Variants in GABRB1 observed in about 807,000 individuals in gnomAD.
The protein encoded by GABRB1 is gamma-aminobutyric acid type A receptor subunit beta1, also known as gamma-aminobutyric acid receptor subunit beta-1.
GABRB1 carries 17 observed loss-of-function variants against 51.6 expected under a neutral mutation model. The ratio of observed to expected loss-of-function variants is 0.33; its 90% confidence interval spans 0.23 to 0.49. The LOEUF (loss-of-function observed/expected upper bound fraction) is 0.49, where lower values mean the gene tolerates loss of function less well. GABRB1 is among the 20% of genes least tolerant of loss of function. The pLI, the probability that GABRB1 is intolerant of heterozygous loss-of-function variation, is 0.99. For synonymous variants in GABRB1, 247 were observed against 218.9 expected, an observed-to-expected ratio of 1.13 and a Z score of -1.14; for missense variants, 410 against 600.6, an observed-to-expected ratio of 0.68 and a Z score of 3.32.
chr4:47,210,667 G>A (rs1237334275), intron 4 of GABRB1, among the ~76,000 whole-genome samples: 1 of 152,018 alleles, frequency 6.6e-6, no homozygotes, highest in African/African-American at 2.4e-5. Context: ...ACTTTAGATG[G>A]CTGTATAGTA....
At chr4:47,260,208 G>C (rs917289981) in intron 4 of GABRB1, among the ~76,000 whole-genome samples, 1 of 151,696 alleles carries the variant, frequency 6.6e-6, no homozygotes, top group African/African-American at 2.4e-5. Flanking sequence ...TTTATTTTGA[G>C]CCTATGTGTG....
intron 3 of GABRB1, among the ~76,000 whole-genome samples, chr4:47,103,862 G>A (rs1442107): frequency 0.77 from 116,362 of 151,756 alleles, 44,817 homozygotes; most frequent in Middle Eastern, 0.82. Flanking sequence ...TGTCTGCAGT[G>A]TAAAGAAACT....
At chr4:47,082,245 A>T (rs1727881920) in intron 3 of GABRB1, among the ~76,000 whole-genome samples, 1 of 152,058 alleles carries the variant, frequency 6.6e-6, no homozygotes, top group Non-Finnish European at 1.5e-5. Flanking sequence ...AAGAAACTTT[A>T]TATCACTGTT....
At chr4:47,331,303 GA>G (rs1725471418) in intron 5 of GABRB1, among the ~76,000 whole-genome samples, 1 of 152,022 alleles carries the variant, frequency 6.6e-6, no homozygotes, top group Non-Finnish European at 1.5e-5. Flanking sequence ...TTGAAACTGT[GA>G]AAAAGTACTC....
intron 3 of GABRB1, among the ~76,000 whole-genome samples, chr4:47,078,137 G>A (rs372648608): frequency 3.7e-4 from 55 of 150,672 alleles, no homozygotes; most frequent in African/African-American, 1.2e-3. Flanking sequence ...TTACAGGCAT[G>A]CACCACCATG....
rs1331094544 is a variant in GABRB1 at position 47,004,535 on chromosome 4, AAAG to A, written c.-20+10612_-20+10614del. Among the ~76,000 whole-genome samples, 361 of 152,328 alleles carry A rather than the reference AAAG, an allele frequency of 2.4e-3. 2 individuals carry two copies. The highest frequency in any genetic ancestry group is 8.3e-3 in the African/African-American group (346 of 41,564). On this transcript the variant is annotated intron_variant, in intron 1 of 3. Coordinates refer to the GABRB1 transcript ENST00000513567. ...TGCATAATATTAATACTTTAAAAAA[AAAG>A]AATAGGTTCCCTGGTTTAATTTCCA...
chr4:47,274,861 G>A lies in GABRB1; in HGVS notation c.462-45266G>A, dbSNP rs548282253. ...AACTGTACTTGCTGTGTGGAGCTTA[G>A]GGGTCTTTCCTTGTGGACTTAGCTC... On this transcript the variant is annotated intron_variant, in intron 4 of 8. Transcript: ENST00000295454. Among the ~76,000 whole-genome samples, 19 of 152,250 alleles carry A rather than the reference G, an allele frequency of 1.2e-4. No homozygotes were observed. In the East Asian group the frequency reaches 2.1e-3, roughly 17 times the overall value.
chr4:47,058,805 A>C (rs1726729701), intron 3 of GABRB1, among the ~76,000 whole-genome samples: 1 of 152,198 alleles, frequency 6.6e-6, no homozygotes, highest in Non-Finnish European at 1.5e-5. Context: ...TGTCATTGAC[A>C]TTCTTGTCCA....
chr4:47,411,164 G>A (rs982154305), intron 8 of GABRB1, among the ~76,000 whole-genome samples: 1 of 152,072 alleles, frequency 6.6e-6, no homozygotes, highest in Non-Finnish European at 1.5e-5. Flanking sequence ...TCAAATATTG[G>A]CCTAAAAGAT....
chr4:47,028,257 C>T (rs9996065), upstream of GABRB1, among the ~76,000 whole-genome samples: 2,146 of 151,580 alleles, frequency 0.014, 37 homozygotes, highest in African/African-American at 0.049. Flanking sequence ...AGATATGTTA[C>T]GTGAAATAAG....
rs184559624 is a variant in GABRB1, at chr4:47,277,125, G to T, written c.462-43002G>T. ...CAGGACTTAGTGGTATTATTACCAC[G>T]AATTACACTTGAGACTTGTAACCAA... On this transcript the variant is annotated intron_variant, in intron 4 of 8. Coordinates refer to ENST00000295454, the MANE Select transcript of GABRB1 (RefSeq NM_000812.4). Among the ~76,000 whole-genome samples the T allele has an allele frequency of 7.4e-3, 1,127 of 152,058 alleles. 10 individuals are homozygous for T. The highest frequency in any genetic ancestry group is 0.025 in the African/African-American group (1,053 of 41,476).
chr4:47,118,948 A>G (rs995914096), intron 3 of GABRB1, among the ~76,000 whole-genome samples: 16 of 152,194 alleles, frequency 1.1e-4, no homozygotes, highest in Admixed American at 9.2e-4. Context: ...AAATATTAAA[A>G]TGGGTAGAAA....
chr4:47,397,928 C>T (rs1728235072), intron 5 of GABRB1, among the ~76,000 whole-genome samples: 1 of 152,086 alleles, frequency 6.6e-6, no homozygotes, highest in Non-Finnish European at 1.5e-5. Flanking sequence ...ACTTTCAATT[C>T]ATCTAGTCTA....
chr4:47,416,896 G>A (rs1293019174), intron 8 of GABRB1, among the ~76,000 whole-genome samples: 1 of 152,144 alleles, frequency 6.6e-6, no homozygotes, highest in Non-Finnish European at 1.5e-5. Flanking sequence ...AGATGCAAGA[G>A]GTGATGGTGG....
chr4:47,027,187 T>C (rs940751995), upstream of GABRB1, among the ~76,000 whole-genome samples: 4 of 151,670 alleles, frequency 2.6e-5, no homozygotes, highest in African/African-American at 9.7e-5. Flanking sequence ...CAAAATATCA[T>C]ATTTATTTGG....
chr4:47,216,223 T>A (rs1720550495), intron 4 of GABRB1, among the ~76,000 whole-genome samples: 1 of 151,984 alleles, frequency 6.6e-6, no homozygotes, highest in South Asian at 2.1e-4. Context: ...GCATTCAGTT[T>A]ATTATATCAA....
intron 5 of GABRB1, among the ~76,000 whole-genome samples, chr4:47,401,875 T>A (rs1728408303): frequency 6.7e-6 from 1 of 150,086 alleles, no homozygotes; most frequent in South Asian, 2.1e-4. Flanking sequence ...ATCATCTATC[T>A]ATCTATCTGT....
At chr4:47,356,072 A>T (rs1443376151) in intron 5 of GABRB1, among the ~76,000 whole-genome samples, 1 of 152,238 alleles carries the variant, frequency 6.6e-6, no homozygotes, top group Non-Finnish European at 1.5e-5. Context: ...GACACCTAGT[A>T]GGCATTCAAT....
chr4:47,177,922 G>T (rs949160661), intron 4 of GABRB1, among the ~76,000 whole-genome samples: 2 of 150,030 alleles, frequency 1.3e-5, no homozygotes, highest in African/African-American at 4.9e-5. Context: ...ACAGGCACAT[G>T]TCTGGAATGC....
Sources: allele counts gnomAD v4.1 joint callset (sites outside exome capture counted in the v4.1 genomes callset), GRCh38; gene constraint gnomAD v4.1.1; transcripts MANE v1.5; gene names NCBI Gene and HGNC (gene_info 2026-07-23, HGNC 2026-07-21).